Variants in GJB3 observed in about 807,000 individuals in gnomAD.
The protein encoded by GJB3 is gap junction protein beta 3, also known as gap junction beta-3 protein.
GJB3 carries 6 observed loss-of-function variants against 8.1 expected under a neutral mutation model. The ratio of observed to expected loss-of-function variants is 0.75; its 90% confidence interval spans 0.41 to 1.47. The LOEUF is 1.47. Ranked by LOEUF, GJB3 falls within the 40% of genes most tolerant of loss-of-function variation. The pLI is 0.02. For missense variants in GJB3, 348 were observed against 365.6 expected (o/e 0.95, Z 0.39); for synonymous variants, 137 against 156.4 (o/e 0.88, Z 0.93).
chr1:34,785,077 C>T lies in GJB3; in HGVS notation c.315C>T (p.His105=). Residue 105 remains histidine, a synonymous_variant, in exon 2 of 2, where the codon CAC becomes CAT. Transcript: ENST00000373366. The surrounding 1 kb of genome is among the most constrained non-coding windows in gnomAD (Gnocchi z 4.7). ...VAYREERERR[H]RQKHGDQCAK... is the part of the protein sequence containing the mutation. ...ACCGTGAGGAGCGGGAGCGCCGGCACCGCCAGAAACACGGGGACCAGTGCG... is the reference window on the plus strand; with the variant it reads ...ACCGTGAGGAGCGGGAGCGCCGGCATCGCCAGAAACACGGGGACCAGTGCG... The T allele has an allele frequency of 1.2e-6, 2 of 1,614,124 alleles. No homozygotes were observed. Among genetic ancestry groups the T allele is most frequent in the Non-Finnish European group, 8.5e-7 (1 of 1,180,038 alleles).
In GJB3 at chr1:34,785,560, C is replaced by T. The variant is rs35983826; in HGVS notation, c.798C>T (p.Asn266=). ...ACAAGCTGCAGGCTTCAGCACCCAA[C>T]CTGACCCCCATCTGACCACAGGGCA... ...GNNKLQASAP[N]LTPI is the part of the protein sequence containing the mutation. Residue 266 remains asparagine (N), a synonymous_variant, in exon 2 of 2, where the codon AAC becomes AAT. Transcript: ENST00000373366. This position sits in a 1 kb window ranked among gnomAD's most constrained non-coding sequence, Gnocchi z 4.7. The T allele has an allele frequency of 0.09, 144,795 of 1,613,610 alleles. 7,108 individuals are homozygous for T. The highest frequency in any genetic ancestry group is 0.12 in the South Asian group (10,609 of 91,056).
At position 34,785,859 on chromosome 1, in the gene GJB3, G is replaced by C; in HGVS notation, c.*284G>C. 2.0e-6 allele frequency: 1 copy of C among 496,110 alleles called. No individual in the cohort carries two copies. The highest frequency in any genetic ancestry group is 2.2e-5 in the South Asian group (1 of 44,694). The allele number at this position is 496,110 out of a possible 1,614,324, so 30.7% of individuals were successfully genotyped here. A position where few individuals can be genotyped will look rare whatever the true frequency, so the allele number is the denominator to read the frequency against. On this transcript the variant is annotated 3_prime_UTR_variant, in exon 2 of 2. Coordinates refer to ENST00000373366, the MANE Select transcript of GJB3 (RefSeq NM_024009.3). This position sits in a 1 kb window ranked among gnomAD's most constrained non-coding sequence, Gnocchi z 4.7. ...GGCCACTTAGGGCACTGCTAGCAGG[G>C]CTTCAACCAGGAAGGGATCAACCCA... is the stretch of plus-strand genomic sequence containing the variant.
chr1:34,785,184 T>TCA lies in GJB3; in HGVS notation c.422_423insCA (p.Glu142MetfsTer127). ...TTCAGCCTCATCTTCAAGCTCATCA[T>TCA]TGAGTTCCTCTTCCTCTACCTGCTG... On this transcript the variant is annotated frameshift_variant, in exon 2 of 2. Coordinates refer to ENST00000373366, the MANE Select transcript of GJB3 (RefSeq NM_024009.3). LOFTEE classifies it low-confidence loss of function (END_TRUNC). This position sits in a 1 kb window ranked among gnomAD's most constrained non-coding sequence, Gnocchi z 4.7. The TCA allele has an allele frequency of 6.2e-7, 1 of 1,614,186 alleles. No homozygotes were observed. Among genetic ancestry groups the TCA allele is most frequent in the Non-Finnish European group, 8.5e-7 (1 of 1,180,034 alleles).
At position 34,785,709 on chromosome 1, in the gene GJB3, G is replaced by C. The variant is rs1640104339; in HGVS notation, c.*134G>C. ...AAGTTATGCAACTTTCGTTTTGGCA[G>C]ATATTTTTTGACACTGGGAACTGGG... On this transcript the variant is annotated 3_prime_UTR_variant, in exon 2 of 2. Coordinates refer to ENST00000373366, the MANE Select transcript of GJB3 (RefSeq NM_024009.3). The surrounding 1 kb of genome is among the most constrained non-coding windows in gnomAD (Gnocchi z 4.7). The C allele has an allele frequency of 1.4e-6, 1 of 721,156 alleles. No homozygotes were observed. The highest frequency in any genetic ancestry group is 1.8e-5 in the African/African-American group (1 of 56,632). The allele number at this position is 721,156 out of a possible 1,614,324, so 44.7% of individuals were successfully genotyped here. A position where few individuals can be genotyped will look rare whatever the true frequency, so the allele number is the denominator to read the frequency against.
chr1:34,785,184 T>C lies in GJB3; in HGVS notation c.422T>C (p.Ile141Thr). 2.5e-6 allele frequency: 4 copies of C among 1,614,186 alleles called. No individual in the cohort carries two copies. Among genetic ancestry groups the C allele is most frequent in the African/African-American group, 1.3e-5 (1 of 75,048 alleles). ...TTCAGCCTCATCTTCAAGCTCATCA[T>C]TGAGTTCCTCTTCCTCTACCTGCTG... ...YLFSLIFKLI[I>T]EFLFLYLLHT... is the part of the protein sequence containing the mutation. The change falls in exon 2 of 2, where the codon ATT (isoleucine) becomes ACT (threonine). Residue 141 changes from isoleucine (I) to threonine (T), a missense_variant. Coordinates refer to ENST00000373366, the MANE Select transcript of GJB3 (RefSeq NM_024009.3). The surrounding 1 kb of genome is among the most constrained non-coding windows in gnomAD (Gnocchi z 4.7).
Position 34,785,028 on chromosome 1 carries a change from T to A in GJB3, c.266T>A (p.Leu89Gln). Reference protein sequence around the residue: ...LQLIFVTCPSLLVILHVAYRE... With the variant: ...LQLIFVTCPSQLVILHVAYRE... ...CTCATCTTCGTCACATGCCCCTCGC[T>A]GCTGGTCATCCTGCACGTGGCCTAC... Residue 89 changes from leucine to glutamine, a missense_variant, in exon 2 of 2, where the codon CTG becomes CAG. Leu to Gln is a moderately radical substitution (Grantham distance 113). Coordinates refer to ENST00000373366, the MANE Select transcript of GJB3 (RefSeq NM_024009.3). The surrounding 1 kb of genome is among the most constrained non-coding windows in gnomAD (Gnocchi z 4.7). 6.2e-7 allele frequency: 1 copy of A among 1,614,186 alleles called. No individual in the cohort carries two copies. Among genetic ancestry groups the A allele is most frequent in the Non-Finnish European group, 8.5e-7 (1 of 1,180,018 alleles).
chr1:34,783,138 C>T (rs1182486712), intron 1 of GJB3, among the ~76,000 whole-genome samples: 2 of 152,006 alleles, frequency 1.3e-5, no homozygotes, highest in Non-Finnish European at 2.9e-5. Flanking sequence ...GTCCCAGCTA[C>T]GTGGGAGGCT....
chr1:34,785,106 A>C lies in GJB3; in HGVS notation c.344A>C (p.Lys115Thr), dbSNP rs150776404. 3 of 1,614,028 alleles carry C rather than the reference A, an allele frequency of 1.9e-6. No individual in the cohort carries two copies. The highest frequency in any genetic ancestry group is 2.5e-6 in the Non-Finnish European group (3 of 1,180,046). ...CAGAAACACGGGGACCAGTGCGCCA[A>C]GCTGTACGACAACGCAGGCAAGAAG... ...HRQKHGDQCA[K>T]LYDNAGKKHG... The change falls in exon 2 of 2, where the codon AAG (lysine) becomes ACG (threonine). Residue 115 changes from lysine (K) to threonine (T), a missense_variant. By Grantham distance (78) the Lys-to-Thr change is moderately conservative (BLOSUM62 -1). Transcript: ENST00000373366. The surrounding 1 kb of genome is among the most constrained non-coding windows in gnomAD (Gnocchi z 4.7).
At chr1:34,782,192 G>C (rs1640021840) in intron 1 of GJB3, 1 of 152,744 alleles carries the variant, frequency 6.5e-6, no homozygotes, top group South Asian at 2.1e-4. Context: ...AACCAGAACC[G>C]GCTCCACCAG....
rs1214971585 is a variant in GJB3 at position 34,781,809 on chromosome 1, G to C, written c.-26+31G>C. On this transcript the variant is annotated intron_variant, in intron 1 of 1. Transcript: ENST00000373366. The surrounding 1 kb of genome is among the most constrained non-coding windows in gnomAD (Gnocchi z 6.2). ...TGCTGGACGGGGCGGGGCGAGGCTGGGCGGGACCCTCAGGGGCGCCAAGCG... is the reference window on the plus strand; with the variant it reads ...TGCTGGACGGGGCGGGGCGAGGCTGCGCGGGACCCTCAGGGGCGCCAAGCG... The C allele has an allele frequency of 6.6e-6, 1 of 152,404 alleles. No homozygotes were observed. The highest frequency in any genetic ancestry group is 1.9e-4 in the East Asian group (1 of 5,188). The allele number at this position is 152,404 out of a possible 1,614,324, so 9.4% of individuals were successfully genotyped here.
rs190221740 is a variant in GJB3, at chr1:34,781,802, G to C, written c.-26+24G>C. On this transcript the variant is annotated intron_variant, in intron 1 of 1. Coordinates refer to ENST00000373366, the MANE Select transcript of GJB3 (RefSeq NM_024009.3). The surrounding 1 kb of genome is among the most constrained non-coding windows in gnomAD (Gnocchi z 6.2). ...AGGTAAGTGCTGGACGGGGCGGGGC[G>C]AGGCTGGGCGGGACCCTCAGGGGCG... 6.6e-6 allele frequency: 1 copy of C among 152,384 alleles called. No homozygotes were observed. The highest frequency in any genetic ancestry group is 2.4e-5 in the African/African-American group (1 of 41,460). The allele number at this position is 152,384 out of a possible 1,614,324, so 9.4% of individuals were successfully genotyped here.
Position 34,785,637 on chromosome 1 carries a change from G to A in GJB3, c.*62G>A. 1 of 1,351,802 alleles carries A rather than the reference G, an allele frequency of 7.4e-7. No homozygotes were observed. The highest frequency in any genetic ancestry group is 1.1e-6 in the Non-Finnish European group (1 of 948,736). 83.7% of individuals were successfully genotyped at this position (1,351,802 alleles called of 1,614,324 possible). A position where few individuals can be genotyped will look rare whatever the true frequency, so the allele number is the denominator to read the frequency against. On this transcript the variant is annotated 3_prime_UTR_variant, in exon 2 of 2. Transcript: ENST00000373366. This position sits in a 1 kb window ranked among gnomAD's most constrained non-coding sequence, Gnocchi z 4.7. ...ATGGGACATGCAGGGCGGTGTGGCA[G>A]GTGGAGAGGTCCTACAGGGGCTGAG... is the stretch of plus-strand genomic sequence containing the variant.
At chr1:34,784,000 C>A (rs915772659) in intron 1 of GJB3, among the ~76,000 whole-genome samples, 1 of 152,136 alleles carries the variant, frequency 6.6e-6, no homozygotes, top group African/African-American at 2.4e-5. Context: ...ATGCACCCCC[C>A]ACCTGAACTG....
At position 34,785,684 on chromosome 1, in the gene GJB3, A is replaced by G. The variant is rs976209925; in HGVS notation, c.*109A>G. ...TGAGTGACCCCACTCTGAGTTCACT[A>G]AGTTATGCAACTTTCGTTTTGGCAG... is the stretch of plus-strand genomic sequence containing the variant. On this transcript the variant is annotated 3_prime_UTR_variant, in exon 2 of 2. Transcript: ENST00000373366. This position sits in a 1 kb window ranked among gnomAD's most constrained non-coding sequence, Gnocchi z 4.7. 3.5e-6 allele frequency: 3 copies of G among 852,924 alleles called. No homozygotes were observed. Among genetic ancestry groups the G allele is most frequent in the Non-Finnish European group, 1.9e-6 (1 of 531,506 alleles). 52.8% of individuals were successfully genotyped at this position (852,924 alleles called of 1,614,324 possible). A position where few individuals can be genotyped will look rare whatever the true frequency, so the allele number is the denominator to read the frequency against.
intron 1 of GJB3, among the ~76,000 whole-genome samples, chr1:34,783,048 A>G (rs1392848980): frequency 1.3e-5 from 2 of 152,234 alleles, no homozygotes; most frequent in Non-Finnish European, 2.9e-5. Flanking sequence ...AAATTCTTTA[A>G]TTTCAGATAG....
At chr1:34,782,625 C>T (rs1188707131) in intron 1 of GJB3, among the ~76,000 whole-genome samples, 1 of 152,110 alleles carries the variant, frequency 6.6e-6, no homozygotes, top group Non-Finnish European at 1.5e-5. Flanking sequence ...TATCCCACTC[C>T]CTTCCCCCAC....
chr1:34,785,656 G>C lies in GJB3; in HGVS notation c.*81G>C, dbSNP rs529151817. ...GTGGCAGGTGGAGAGGTCCTACAGG[G>C]GCTGAGTGACCCCACTCTGAGTTCA... On this transcript the variant is annotated 3_prime_UTR_variant, in exon 2 of 2. Coordinates refer to ENST00000373366, the MANE Select transcript of GJB3 (RefSeq NM_024009.3). This position sits in a 1 kb window ranked among gnomAD's most constrained non-coding sequence, Gnocchi z 4.7. 14 of 1,140,272 alleles carry C rather than the reference G, an allele frequency of 1.2e-5. No homozygotes were observed. In the African/African-American group the frequency reaches 1.8e-4, roughly 15 times the overall value. The allele number at this position is 1,140,272 out of a possible 1,614,324, so 70.6% of individuals were successfully genotyped here. A position where few individuals can be genotyped will look rare whatever the true frequency, so the allele number is the denominator to read the frequency against.
In GJB3 at chr1:34,781,632, G is replaced by T. The variant is rs1404329669; in HGVS notation, c.-172G>T. The T allele has an allele frequency of 6.6e-6, 1 of 152,344 alleles. No individual in the cohort carries two copies. Among genetic ancestry groups the T allele is most frequent in the Non-Finnish European group, 1.5e-5 (1 of 68,170 alleles). 9.4% of individuals were successfully genotyped at this position (152,344 alleles called of 1,614,324 possible). On this transcript the variant is annotated 5_prime_UTR_variant, in exon 1 of 2. Transcript: ENST00000373366. This position sits in a 1 kb window ranked among gnomAD's most constrained non-coding sequence, Gnocchi z 6.2. ...CCTGGCAGCGTCGGGTCTAGGAGCCGGCTCCCTCCTGCTCCCTCCTCCGCG... is the reference window on the plus strand; with the variant it reads ...CCTGGCAGCGTCGGGTCTAGGAGCCTGCTCCCTCCTGCTCCCTCCTCCGCG...
At chr1:34,784,273 T>TG (rs1487352505) in intron 1 of GJB3, among the ~76,000 whole-genome samples, 1 of 152,230 alleles carries the variant, frequency 6.6e-6, no homozygotes, top group Non-Finnish European at 1.5e-5. Flanking sequence ...GTGAGTGACT[T>TG]GACCTCTCTA....
Sources: allele counts gnomAD v4.1 joint callset (sites outside exome capture counted in the v4.1 genomes callset), GRCh38; gene constraint gnomAD v4.1.1; non-coding constraint Gnocchi (gnomAD v3.1); transcripts MANE v1.5; gene names NCBI Gene and HGNC (gene_info 2026-07-23, HGNC 2026-07-21).